Variants in TMC7 observed in about 807,000 individuals in gnomAD.
TMC7 encodes the protein transmembrane channel-like protein 7.
A neutral mutation model predicts 82.9 loss-of-function variants in TMC7; 54 were observed. The ratio of observed to expected loss-of-function variants is 0.65; its 90% CI spans 0.52 to 0.82. The LOEUF is 0.82. Ranked by LOEUF, TMC7 falls within the 40% of genes least tolerant of loss-of-function variation. The probability of loss-of-function intolerance (pLI) is 0.00; values close to 1 mark genes in which losing one functional copy is unlikely to be tolerated. For missense variants in TMC7, 820 were observed against 901.2 expected (o/e 0.91, Z 1.15); for synonymous variants, 350 against 337.9 (o/e 1.04, Z -0.39).
At chr16:19,054,386 C>T (rs8045418) in intron 13 of TMC7, among the ~76,000 whole-genome samples, 20,068 of 152,078 alleles carry the variant, frequency 0.13, 1,411 homozygotes, top group South Asian at 0.18. Flanking sequence ...CCCCCAACCA[C>T]ATTAAAATCT....
At chr16:19,058,122 T>C (rs1031082873) in intron 14 of TMC7, among the ~76,000 whole-genome samples, 2 of 152,174 alleles carry the variant, frequency 1.3e-5, no homozygotes, top group Non-Finnish European at 2.9e-5. Context: ...CCAGGCATAG[T>C]GGCTCACGCC....
intron 1 of TMC7, among the ~76,000 whole-genome samples, chr16:18,993,798 G>A (rs1301694708): frequency 5.3e-5 from 8 of 152,214 alleles, no homozygotes; most frequent in South Asian, 2.1e-4. Flanking sequence ...AAATATTGAC[G>A]TGTAGTCCCT....
chr16:19,045,209 T>C, intron 10 of TMC7, 132 bp from the exon 11 acceptor site: 3 of 856,460 alleles, frequency 3.5e-6, no homozygotes, highest in South Asian at 3.0e-5. Flanking sequence ...GGCTCAGAGT[T>C]TGCATCAGCT....
chr16:19,042,035 A>G (rs1443642190), intron 9 of TMC7, among the ~76,000 whole-genome samples: 2 of 152,078 alleles, frequency 1.3e-5, no homozygotes, highest in African/African-American at 2.4e-5. Flanking sequence ...TTTTTGGTAG[A>G]TTCTGTGTCA....
rs371608918 is a variant in TMC7 at position 19,044,896 on chromosome 16, G to A, written c.1350G>A (p.Met450Ile). The A allele has an allele frequency of 6.2e-7, 1 of 1,613,214 alleles. No individual in the cohort carries two copies. The highest frequency in any genetic ancestry group is 1.3e-5 in the African/African-American group (1 of 74,818). Reference sequence around the variant, plus strand: ...TCTCTCCCCGAAGGTGTGTCTTTATGCGGCTGGCCACCATATGTGTCCTGG... The same window carrying A: ...TCTCTCCCCGAAGGTGTGTCTTTATACGGCTGGCCACCATATGTGTCCTGG... ...IRLTILRCVF[M>I]RLATICVLVF... The change falls in exon 10 of 16, where the codon ATG becomes ATA. Residue 450 changes from methionine to isoleucine, a missense_variant. Transcript: ENST00000304381.
At chr16:19,030,138 C>A in intron 5 of TMC7, 86 bp from the exon 6 acceptor site, 1 of 1,405,098 alleles carries the variant, frequency 7.1e-7, no homozygotes, top group Non-Finnish European at 9.7e-7. Flanking sequence ...GACACTGGAA[C>A]TTGTGTTCCT....
At chr16:19,060,989 G>A (rs548467350) in intron 15 of TMC7, among the ~76,000 whole-genome samples, 3 of 146,732 alleles carry the variant, frequency 2.0e-5, no homozygotes, top group African/African-American at 5.0e-5. Context: ...GTTTCACCAT[G>A]ATGGCCAGTC....
intron 5 of TMC7, among the ~76,000 whole-genome samples, chr16:19,027,667 C>T (rs1960299742): frequency 6.6e-6 from 1 of 152,060 alleles, no homozygotes. Context: ...TCTGGTTGGA[C>T]ACGTTTTTAT....
chr16:19,026,804 C>G (rs964166829), intron 5 of TMC7, among the ~76,000 whole-genome samples: 2 of 152,058 alleles, frequency 1.3e-5, no homozygotes, highest in Admixed American at 6.6e-5. Context: ...CTCTGTCACC[C>G]AGGCTGGAGT....
intron 1 of TMC7, among the ~76,000 whole-genome samples, chr16:18,985,719 T>C (rs546100429): frequency 6.8e-6 from 1 of 147,734 alleles, no homozygotes; most frequent in East Asian, 2.0e-4. Context: ...TTTTTTTTGA[T>C]CTTGTACCCA....
chr16:19,005,527 G>A (rs761466027), intron 1 of TMC7, among the ~76,000 whole-genome samples: 5 of 152,092 alleles, frequency 3.3e-5, no homozygotes, highest in African/African-American at 9.7e-5. Context: ...CTCCATTCCC[G>A]AGATGAGAAA....
chr16:19,034,000 G>C (rs1960630398), intron 6 of TMC7, among the ~76,000 whole-genome samples: 1 of 152,168 alleles, frequency 6.6e-6, no homozygotes, highest in Non-Finnish European at 1.5e-5. Context: ...ACTGTGCATG[G>C]CATCTGGTGT....
At position 19,016,555 on chromosome 16, in the gene TMC7, G is replaced by C. The variant is rs549355789; in HGVS notation, c.417G>C (p.Thr139=). The change falls in exon 3 of 16, where the codon ACG becomes ACC. Residue 139 remains threonine, a synonymous_variant. Transcript: ENST00000304381. ...TCCTAGAGAAGGCTCGAGAGATGACGACCCACCTGGAGCTGTGGCGGGAGG... is the reference window on the plus strand; with the variant it reads ...TCCTAGAGAAGGCTCGAGAGATGACCACCCACCTGGAGCTGTGGCGGGAGG... ...KRFLEKAREM[T]THLELWREDI... The C allele has an allele frequency of 6.8e-6, 11 of 1,614,084 alleles. No homozygotes were observed. The highest frequency in any genetic ancestry group is 6.6e-5 in the South Asian group (6 of 91,076).
At chr16:19,050,188 G>A (rs1456712205) in intron 12 of TMC7, among the ~76,000 whole-genome samples, 1 of 151,594 alleles carries the variant, frequency 6.6e-6, no homozygotes, top group Non-Finnish European at 1.5e-5. Context: ...TGGCTAACAC[G>A]GTGAAACCCC....
chr16:19,017,755 C>T lies in TMC7; in HGVS notation c.460+1157C>T, dbSNP rs555132871. ...TGCAATCTCGGCTCACTGCAGGCTC[C>T]GCCCCCCGGGGTTCACGCCAGTCTC... On this transcript the variant is annotated intron_variant, in intron 3 of 15. Transcript: ENST00000304381. 2.3e-3 allele frequency among the ~76,000 whole-genome samples: 342 copies of T among 151,546 alleles called. 2 individuals carry two copies. The highest frequency in any genetic ancestry group is 7.8e-3 in the African/African-American group (322 of 41,324).
intron 6 of TMC7, 76 bp downstream of exon 6, chr16:19,030,445 G>A: frequency 6.6e-7 from 1 of 1,508,464 alleles, no homozygotes; most frequent in Non-Finnish European, 8.9e-7. Flanking sequence ...AGCTCTGGAA[G>A]CCATTGCCTA....
At chr16:19,055,713 T>A (rs1596799285) in intron 13 of TMC7, among the ~76,000 whole-genome samples, 1 of 152,324 alleles carries the variant, frequency 6.6e-6, no homozygotes, top group South Asian at 2.1e-4. Flanking sequence ...TCTCTTTTTT[T>A]AAATTTAAAT....
intron 1 of TMC7, among the ~76,000 whole-genome samples, chr16:19,003,210 G>A (rs974678247): frequency 1.3e-5 from 2 of 152,120 alleles, no homozygotes; most frequent in Non-Finnish European, 2.9e-5. Context: ...GTAGTGGTGT[G>A]CATCTGTAGT....
At chr16:19,043,001 C>A (rs1021671479) in intron 9 of TMC7, among the ~76,000 whole-genome samples, 2 of 152,086 alleles carry the variant, frequency 1.3e-5, no homozygotes, top group Non-Finnish European at 2.9e-5. Flanking sequence ...CCACCTCGGC[C>A]TCCCAAAGTG....
Sources: allele counts gnomAD v4.1 joint callset (sites outside exome capture counted in the v4.1 genomes callset), GRCh38; gene constraint gnomAD v4.1.1; transcripts MANE v1.5; gene names NCBI Gene and HGNC (gene_info 2026-07-23, HGNC 2026-07-21).